The following ALK variants were observed in gnomAD, a reference collection of about 807,000 sequenced individuals.
ALK encodes ALK tyrosine kinase receptor.
Under a neutral mutation model 163.1 loss-of-function variants are expected in ALK, and 74 were observed. The ratio of observed to expected loss-of-function variants is 0.45; its 90% CI spans 0.38 to 0.55. The LOEUF (loss-of-function observed/expected upper bound fraction) is 0.55, where lower values mean the gene tolerates loss of function less well. Among genes scored for constraint, ALK ranks in the 20% least tolerant of loss-of-function variants. The pLI is 0.00. For missense variants in ALK, 2,063 were observed against 2,105.3 expected, an observed-to-expected ratio of 0.98 and a Z score of 0.39; for synonymous variants, 960 against 843.2, an observed-to-expected ratio of 1.14 and a Z score of -2.40.
chr2:29,697,725 C>T (rs1297520691), intron 2 of ALK, among the ~76,000 whole-genome samples: 1 of 152,224 alleles, frequency 6.6e-6, no homozygotes, highest in Admixed American at 6.5e-5. Flanking sequence ...CATGTGTGAA[C>T]TTTGGTTTTC....
intron 4 of ALK, among the ~76,000 whole-genome samples, chr2:29,391,740 A>G (rs947833662): frequency 6.6e-6 from 1 of 151,852 alleles, no homozygotes; most frequent in Non-Finnish European, 1.5e-5. Flanking sequence ...CAAGAGAAAT[A>G]TAATAATTAA....
intron 11 of ALK, among the ~76,000 whole-genome samples, chr2:29,264,812 C>A (rs2148207926): frequency 6.6e-6 from 1 of 152,244 alleles, no homozygotes; most frequent in East Asian, 1.9e-4. Context: ...ATGGACAAAC[C>A]AGAGTGGTTT....
chr2:29,652,813 C>T (rs866447265), intron 3 of ALK, among the ~76,000 whole-genome samples: 8 of 152,280 alleles, frequency 5.3e-5, no homozygotes, highest in African/African-American at 1.9e-4. Flanking sequence ...CCAGAGAGGG[C>T]ATGGGAGCAC....
At chr2:29,316,778 T>G (rs1666846590) in intron 8 of ALK, among the ~76,000 whole-genome samples, 1 of 152,210 alleles carries the variant, frequency 6.6e-6, no homozygotes, top group African/African-American at 2.4e-5. Flanking sequence ...TTTAATTTAA[T>G]GAATCTATTT....
chr2:29,670,147 T>C (rs959057605), intron 3 of ALK, among the ~76,000 whole-genome samples: 4 of 152,098 alleles, frequency 2.6e-5, no homozygotes. Context: ...CATGTTAGTG[T>C]TTATTTTTGT....
intron 2 of ALK, among the ~76,000 whole-genome samples, chr2:29,702,018 G>C (rs1476821326): frequency 6.6e-6 from 1 of 152,070 alleles, no homozygotes; most frequent in Non-Finnish European, 1.5e-5. Context: ...TGTGGCTGCA[G>C]TGAGGCAGGA....
At chr2:29,719,718 CA>C (rs1462422401) in intron 1 of ALK, among the ~76,000 whole-genome samples, 2 of 152,122 alleles carry the variant, frequency 1.3e-5, no homozygotes, top group Non-Finnish European at 2.9e-5. Flanking sequence ...AAATCAGGGT[CA>C]AAAGACTAGA....
rs988255444 is a variant in ALK at position 29,646,623 on chromosome 2, C to T, written c.952+48227G>A. 1.1e-4 allele frequency among the ~76,000 whole-genome samples: 17 copies of T among 152,244 alleles called. 1 individual carries two copies. Among genetic ancestry groups the T allele is most frequent in the Admixed American group, 9.2e-4 (14 of 15,282 alleles). On this transcript the variant is annotated intron_variant, in intron 3 of 28. Coordinates refer to ENST00000389048, the MANE Select transcript of ALK (RefSeq NM_004304.5). ...CCTTACTCTGCTCTAGCCACATGGT[C>T]GTCTTGCCATCCCTGAATATTCCAG...
chr2:29,334,387 G>A (rs1388945099), intron 5 of ALK, among the ~76,000 whole-genome samples: 1 of 152,186 alleles, frequency 6.6e-6, no homozygotes, highest in African/African-American at 2.4e-5. Flanking sequence ...GTCTCATTAT[G>A]TCCATTTGAT....
intron 3 of ALK, among the ~76,000 whole-genome samples, chr2:29,536,963 A>T (rs190290934): frequency 6.6e-6 from 1 of 152,340 alleles, no homozygotes; most frequent in Admixed American, 6.5e-5. Context: ...TCTCAGTAGC[A>T]GAGTGTTCAT....
intron 3 of ALK, among the ~76,000 whole-genome samples, chr2:29,562,352 C>T (rs1203689975): frequency 6.6e-6 from 1 of 152,070 alleles, no homozygotes; most frequent in East Asian, 1.9e-4. Context: ...ACACAATTAC[C>T]AGGACTTCTC....
intron 8 of ALK, among the ~76,000 whole-genome samples, chr2:29,312,353 G>A (rs1469035157): frequency 5.3e-5 from 8 of 151,852 alleles, no homozygotes; most frequent in African/African-American, 1.7e-4. Context: ...TACTGAAGCC[G>A]AGAACAGTGG....
intron 4 of ALK, among the ~76,000 whole-genome samples, chr2:29,443,601 A>T (rs2148084076): frequency 6.6e-6 from 1 of 151,864 alleles, no homozygotes; most frequent in East Asian, 1.9e-4. Context: ...CCAATTTCTC[A>T]CCCCTTAGGG....
intron 12 of ALK, among the ~76,000 whole-genome samples, chr2:29,245,333 G>A (rs1276843957): frequency 7.5e-6 from 1 of 133,588 alleles, no homozygotes; most frequent in Non-Finnish European, 1.6e-5. Flanking sequence ...GGGGCTCCAT[G>A]GCTCAGTGCC....
chr2:29,365,416 C>G (rs532740113), intron 5 of ALK, among the ~76,000 whole-genome samples: 1 of 152,154 alleles, frequency 6.6e-6, no homozygotes, highest in Non-Finnish European at 1.5e-5. Flanking sequence ...GGTTATGGAT[C>G]TGGTTGAGCC....
At chr2:29,465,836 T>C (rs963022407) in intron 4 of ALK, among the ~76,000 whole-genome samples, 6 of 152,232 alleles carry the variant, frequency 3.9e-5, no homozygotes, top group Non-Finnish European at 8.8e-5. Flanking sequence ...ACATTTTGTC[T>C]CACTTTTAAT....
intron 6 of ALK, among the ~76,000 whole-genome samples, chr2:29,326,248 G>C (rs765262562): frequency 6.6e-6 from 1 of 152,140 alleles, no homozygotes; most frequent in African/African-American, 2.4e-5. Context: ...GCTTTGGAGT[G>C]GTGGGAAATG....
At chr2:29,345,881 G>T (rs964057854) in intron 5 of ALK, among the ~76,000 whole-genome samples, 2 of 152,108 alleles carry the variant, frequency 1.3e-5, no homozygotes, top group Non-Finnish European at 1.5e-5. Flanking sequence ...ATCTAAGACT[G>T]TTGGAACAGC....
intron 5 of ALK, among the ~76,000 whole-genome samples, chr2:29,377,584 G>A (rs2148297291): frequency 6.6e-6 from 1 of 152,230 alleles, no homozygotes. Flanking sequence ...TGGAACAGGT[G>A]GGTTCTAGGC....
Sources: allele counts gnomAD v4.1 joint callset (sites outside exome capture counted in the v4.1 genomes callset), GRCh38; gene constraint gnomAD v4.1.1; transcripts MANE v1.5; gene names NCBI Gene and HGNC (gene_info 2026-07-23, HGNC 2026-07-21).